Variants in HYLS1 observed in about 807,000 individuals in gnomAD.
HYLS1 encodes HYLS1 centriolar and ciliogenesis associated, also known as centriolar and ciliogenesis-associated protein HYLS1.
A neutral mutation model predicts 29.4 loss-of-function variants in HYLS1; 25 were observed. The ratio of observed to expected loss-of-function variants is 0.85; its 90% CI spans 0.62 to 1.19. The LOEUF is 1.19. HYLS1 is among the 50% of genes most tolerant of loss of function. The probability of loss-of-function intolerance (pLI) is 0.00; values close to 1 mark genes in which losing one functional copy is unlikely to be tolerated. For missense variants in HYLS1, 352 were observed against 365.1 expected, an observed-to-expected ratio of 0.96 and a Z score of 0.29; for synonymous variants, 128 against 126.7, an observed-to-expected ratio of 1.01 and a Z score of -0.07.
In HYLS1 at chr11:125,900,567, A is replaced by G. The variant is rs988158440; in HGVS notation, c.*299A>G. The G allele has an allele frequency of 1.8e-5, 7 of 391,980 alleles. No homozygotes were observed. The highest frequency in any genetic ancestry group is 4.2e-5 in the African/African-American group (2 of 48,144). The allele number at this position is 391,980 out of a possible 1,614,324, so 24.3% of individuals were successfully genotyped here. ...GTCCTGTAACTTTTTTTACCTATCAATATGAGTTGCTGTGCTTCAGTGTGT... is the reference window on the plus strand; with the variant it reads ...GTCCTGTAACTTTTTTTACCTATCAGTATGAGTTGCTGTGCTTCAGTGTGT... On this transcript the variant is annotated 3_prime_UTR_variant, in exon 3 of 3. Coordinates refer to ENST00000425380, the MANE Select transcript of HYLS1 (RefSeq NM_001134793.2).
intron 2 of HYLS1, chr11:125,893,494 G>C (rs532161443): frequency 4.0e-6 from 1 of 251,484 alleles, no homozygotes; most frequent in African/African-American, 2.2e-5. Context: ...ATACTTGCAG[G>C]ATTAGGCTTT....
chr11:125,892,831 C>T (rs1944450421), intron 2 of HYLS1, among the ~76,000 whole-genome samples: 1 of 152,168 alleles, frequency 6.6e-6, no homozygotes, highest in South Asian at 2.1e-4. Context: ...TTTTCAGTGG[C>T]CCTGCAAAAT....
chr11:125,894,462 A>G (rs943810153), intron 2 of HYLS1, among the ~76,000 whole-genome samples: 2 of 152,208 alleles, frequency 1.3e-5, no homozygotes, highest in Non-Finnish European at 2.9e-5. Context: ...CTTTATTACA[A>G]TAATGAAAAA....
intron 2 of HYLS1, chr11:125,894,226 G>T: frequency 3.7e-6 from 6 of 1,613,040 alleles, no homozygotes; most frequent in Non-Finnish European, 5.1e-6. Context: ...CCTGGTCATA[G>T]ATCCACTTGA....
At chr11:125,884,242 A>C (rs977145032), upstream of HYLS1, among the ~76,000 whole-genome samples, 12 of 152,248 alleles carry the variant, frequency 7.9e-5, no homozygotes, top group African/African-American at 2.9e-4. Flanking sequence ...TAAAAAAAGA[A>C]AGACAAGTAG....
intron 1 of HYLS1, among the ~76,000 whole-genome samples, chr11:125,888,791 AAAAG>A (rs1944357927): frequency 2.0e-5 from 3 of 148,902 alleles, no homozygotes; most frequent in Non-Finnish European, 4.5e-5. Context: ...AAAAAAAGAG[AAAAG>A]AAAAACATAA....
intron 2 of HYLS1, chr11:125,893,831 G>A (rs1417057617): frequency 1.2e-6 from 2 of 1,613,310 alleles, no homozygotes; most frequent in Admixed American, 1.7e-5. Flanking sequence ...CCTCTTCGTT[G>A]GTGTCTCCAA....
rs1173629109 is a variant in HYLS1, at chr11:125,899,843, G to C, written c.475G>C (p.Glu159Gln). The change falls in exon 3 of 3, where the codon GAA becomes CAA. Residue 159 changes from glutamate (E) to glutamine (Q), a missense_variant. Glu to Gln is a conservative substitution (Grantham distance 29). Transcript: ENST00000425380. ...TTCACAAAAATTTAACCTACCACAT[G>C]AATACCAAGGAATTTCTCAAGATCA... is the stretch of plus-strand genomic sequence containing the variant. ...DVSQKFNLPH[E>Q]YQGISQDQLI... 6.2e-7 allele frequency: 1 copy of C among 1,614,026 alleles called. No homozygotes were observed. Among genetic ancestry groups the C allele is most frequent in the Non-Finnish European group, 8.5e-7 (1 of 1,180,046 alleles).
intron 2 of HYLS1, chr11:125,893,961 C>T (rs1308744226): frequency 1.9e-6 from 3 of 1,614,136 alleles, no homozygotes; most frequent in South Asian, 2.2e-5. Context: ...ATCCGGGATT[C>T]CAGTCCTTGG....
intron 2 of HYLS1, chr11:125,893,914 T>C: frequency 6.2e-7 from 1 of 1,614,180 alleles, no homozygotes; most frequent in Non-Finnish European, 8.5e-7. Flanking sequence ...GGAATAAATG[T>C]GGGTGCTCAA....
intron 2 of HYLS1, among the ~76,000 whole-genome samples, chr11:125,893,073 T>C (rs148936201): frequency 2.0e-5 from 3 of 152,324 alleles, no homozygotes; most frequent in African/African-American, 7.2e-5. Flanking sequence ...AGCTTCAATA[T>C]CTCCTCTATA....
In HYLS1 at chr11:125,900,223, T is replaced by C. The variant is rs1376749637; in HGVS notation, c.855T>C (p.Asn285=). 1.9e-6 allele frequency: 3 copies of C among 1,614,186 alleles called. No homozygotes were observed. In the East Asian group the frequency reaches 6.7e-5, roughly 36 times the overall value. The change falls in exon 3 of 3, where the codon AAT becomes AAC. Residue 285 remains asparagine (N), a synonymous_variant. Transcript: ENST00000425380. ...LRWGVRCDLA[N]GVIPRKLPFP... ...GGGGTGTTCGTTGTGACCTTGCAAA[T>C]GGTGTCATACCCAGGAAGCTTCCCT...
intron 2 of HYLS1, chr11:125,894,341 C>A (rs570062415): frequency 5.6e-6 from 8 of 1,440,052 alleles, no homozygotes; most frequent in African/African-American, 1.4e-5. Flanking sequence ...TCTAACAGTT[C>A]TTTAAAAACT....
chr11:125,895,329 C>T (rs776807099), intron 2 of HYLS1: 2 of 1,614,024 alleles, frequency 1.2e-6, no homozygotes, highest in Admixed American at 1.7e-5. Flanking sequence ...CATCATACAT[C>T]GGACTTGATG....
chr11:125,899,568 A>C lies in HYLS1; in HGVS notation c.200A>C (p.Gln67Pro). The change falls in exon 3 of 3, where the codon CAA (glutamine) becomes CCA (proline). Residue 67 changes from glutamine (Q) to proline (P), a missense_variant. Coordinates refer to ENST00000425380, the MANE Select transcript of HYLS1 (RefSeq NM_001134793.2). The stretch of plus-strand genomic sequence containing the variant: ...GGGAAGCGACCTGCTCTTCCTGTGC[A>C]ACTACAGTACCCACATGTAGAAAGT... ...APGKRPALPV[Q>P]LQYPHVESNV... 3.7e-6 allele frequency: 6 copies of C among 1,614,140 alleles called. No homozygotes were observed. Among genetic ancestry groups the C allele is most frequent in the Non-Finnish European group, 5.1e-6 (6 of 1,179,968 alleles).
At chr11:125,895,992 G>T in intron 2 of HYLS1, 1 of 1,614,130 alleles carries the variant, frequency 6.2e-7, no homozygotes, top group South Asian at 1.1e-5. Flanking sequence ...TCGAGTCTTG[G>T]TTAGAGCTTC....
chr11:125,896,172 T>A, intron 2 of HYLS1: 3 of 1,614,160 alleles, frequency 1.9e-6, no homozygotes, highest in Non-Finnish European at 2.5e-6. Context: ...AATGTTTGAG[T>A]CCTCCTTATT....
intron 2 of HYLS1, among the ~76,000 whole-genome samples, chr11:125,894,508 G>A (rs1185166921): frequency 6.6e-6 from 1 of 152,090 alleles, no homozygotes; most frequent in Non-Finnish European, 1.5e-5. Context: ...TCTATGTAAG[G>A]TAAATGTCAG....
intron 2 of HYLS1, chr11:125,893,452 T>C (rs936226516): frequency 1.4e-4 from 25 of 183,842 alleles, no homozygotes; most frequent in Non-Finnish European, 2.2e-4. Context: ...GAATATCTTA[T>C]CTGCTTTGGA....
Sources: allele counts gnomAD v4.1 joint callset (sites outside exome capture counted in the v4.1 genomes callset), GRCh38; gene constraint gnomAD v4.1.1; transcripts MANE v1.5; gene names NCBI Gene and HGNC (gene_info 2026-07-23, HGNC 2026-07-21).